The following NRXN1 variants were observed in gnomAD, a reference collection of about 807,000 sequenced individuals.
NRXN1 encodes neurexin 1, also known as neurexin-1.
NRXN1 carries 39 observed loss-of-function variants against 150.9 expected under a neutral mutation model. The ratio of observed to expected loss-of-function variants is 0.26; its 90% CI spans 0.20 to 0.34. The LOEUF (loss-of-function observed/expected upper bound fraction) is 0.34. Among genes scored for constraint, NRXN1 ranks in the 10% least tolerant of loss-of-function variants. NRXN1 has a pLI of 1.00. For synonymous variants in NRXN1, 924 were observed against 757.0 expected, an observed-to-expected ratio of 1.22 and a Z score of -3.62; for missense variants, 1,815 against 1,949.9, an observed-to-expected ratio of 0.93 and a Z score of 1.30.
intron 17 of NRXN1, among the ~76,000 whole-genome samples, chr2:50,397,122 G>C (rs1157260953): frequency 6.6e-6 from 1 of 152,082 alleles, no homozygotes; most frequent in Non-Finnish European, 1.5e-5. Context: ...TCTGGTATCA[G>C]GTCACTGGGC....
chr2:50,725,908 T>C (rs1304949142), intron 5 of NRXN1, among the ~76,000 whole-genome samples: 1 of 152,170 alleles, frequency 6.6e-6, no homozygotes, highest in Non-Finnish European at 1.5e-5. Flanking sequence ...CATTATCTGG[T>C]ATTTTCATTA....
chr2:50,776,942 C>G (rs1703721408), intron 5 of NRXN1, among the ~76,000 whole-genome samples: 1 of 152,144 alleles, frequency 6.6e-6, no homozygotes, highest in African/African-American at 2.4e-5. Flanking sequence ...GTTCTCAAAG[C>G]ACGTAAGTAC....
At chr2:50,127,717 A>G (rs1704818545) in intron 18 of NRXN1, among the ~76,000 whole-genome samples, 1 of 152,216 alleles carries the variant, frequency 6.6e-6, no homozygotes, top group South Asian at 2.1e-4. Context: ...GATGACGTAT[A>G]TAAAATATGG....
intron 5 of NRXN1, among the ~76,000 whole-genome samples, chr2:50,872,022 G>A (rs1195879535): frequency 6.6e-6 from 1 of 151,692 alleles, no homozygotes; most frequent in Middle Eastern, 3.2e-3. Context: ...TAGAGAAAGT[G>A]TAAGAAAAAA....
intron 4 of NRXN1, among the ~76,000 whole-genome samples, chr2:50,922,201 ATT>A (rs1558426105): frequency 6.6e-6 from 1 of 151,868 alleles, no homozygotes; most frequent in Admixed American, 6.6e-5. Context: ...TATACTCAGC[ATT>A]CTACAAGCCA....
In NRXN1 at chr2:50,553,145, G is replaced by A. The variant is rs1018487250; in HGVS notation, c.1321-120C>T. 15 of 727,664 alleles carry A rather than the reference G, an allele frequency of 2.1e-5. No individual in the cohort carries two copies. The African/African-American group carries it at 2.6e-4, about 13-fold the overall frequency. 45.1% of individuals were successfully genotyped at this position (727,664 alleles called of 1,614,324 possible). On this transcript the variant is annotated intron_variant, in intron 8 of 22. Transcript: ENST00000401669. ...AGGCACACGATATTTAGTTAATTTT[G>A]TTGTATAAAGGCAACATTTCTCAGG...
At chr2:50,241,165 A>G in intron 17 of NRXN1, among the ~76,000 whole-genome samples, 1 of 151,606 alleles carries the variant, frequency 6.6e-6, no homozygotes, top group East Asian at 1.9e-4. Context: ...GAGAAAAAGA[A>G]TATTAGCTCA....
intron 8 of NRXN1, among the ~76,000 whole-genome samples, chr2:50,604,249 T>A (rs1676738338): frequency 6.6e-6 from 1 of 152,202 alleles, no homozygotes; most frequent in African/African-American, 2.4e-5. Context: ...TTCCCTTGCA[T>A]CATTTGCTTC....
intron 18 of NRXN1, among the ~76,000 whole-genome samples, chr2:50,219,988 T>TATA (rs1559116279): frequency 1.0e-3 from 102 of 100,868 alleles, no homozygotes; most frequent in African/African-American, 4.3e-3. Flanking sequence ...ATATATATTA[T>TATA]ATATAATATA....
chr2:50,020,754 G>T lies in NRXN1; in HGVS notation c.4128+32517C>A, dbSNP rs145559178. On this transcript the variant is annotated intron_variant, in intron 21 of 22. Coordinates refer to ENST00000401669, the MANE Select transcript of NRXN1 (RefSeq NM_001330078.2). ...AATAAATTTTAAACATAAATAAAAAGAAATTCTCTCTTTAAAAAGTATTTT... is the reference window on the plus strand; with the variant it reads ...AATAAATTTTAAACATAAATAAAAATAAATTCTCTCTTTAAAAAGTATTTT... Among the ~76,000 whole-genome samples, 192 of 152,214 alleles carry T rather than the reference G, an allele frequency of 1.3e-3. 3 individuals carry two copies. The East Asian group carries it at 0.035, about 28-fold the overall frequency.
chr2:50,316,798 T>C (rs142149759), intron 17 of NRXN1, among the ~76,000 whole-genome samples: 1 of 152,064 alleles, frequency 6.6e-6, no homozygotes, highest in Admixed American at 6.6e-5. Flanking sequence ...ATGGTGGTAC[T>C]AAAATTTAAT....
chr2:50,753,570 A>T (rs1019049648), intron 5 of NRXN1, among the ~76,000 whole-genome samples: 5 of 151,866 alleles, frequency 3.3e-5, no homozygotes, highest in Admixed American at 3.3e-4. Context: ...GCTTCACATG[A>T]CACAGTATTA....
rs1198674906 is a variant in NRXN1 at position 49,943,842 on chromosome 2, C to G, written c.4129-51G>C. 3.8e-6 allele frequency: 5 copies of G among 1,299,582 alleles called. No homozygotes were observed. The African/African-American group carries it at 5.8e-5, about 15-fold the overall frequency. 80.5% of individuals were successfully genotyped at this position (1,299,582 alleles called of 1,614,324 possible). On this transcript the variant is annotated intron_variant, in intron 21 of 22. Transcript: ENST00000401669. Reference sequence around the variant, plus strand: ...TTAATTTAAAGGGTCCTAACAGATTCTCTCATCTTTGTCTCATTGACAAGT... The same window carrying G: ...TTAATTTAAAGGGTCCTAACAGATTGTCTCATCTTTGTCTCATTGACAAGT...
rs369955831 is a variant in NRXN1, at chr2:50,246,339, A to G, written c.3365-9369T>C. On this transcript the variant is annotated intron_variant, in intron 17 of 22. Transcript: ENST00000401669. ...GTGACACTTCTTTTTGTCCTTAGCA[A>G]TGGAATTAAATCCTTAATACAAAAG... 1.4e-4 allele frequency among the ~76,000 whole-genome samples: 21 copies of G among 152,116 alleles called. No homozygotes were observed. The South Asian group carries it at 4.4e-3, about 32-fold the overall frequency.
At chr2:50,267,415 T>A (rs751177085) in intron 17 of NRXN1, among the ~76,000 whole-genome samples, 1 of 152,158 alleles carries the variant, frequency 6.6e-6, no homozygotes, top group African/African-American at 2.4e-5. Context: ...TTCTTCAAAG[T>A]AAGAAAGAAC....
intron 5 of NRXN1, among the ~76,000 whole-genome samples, chr2:50,862,564 T>C (rs1359873371): frequency 6.6e-6 from 1 of 152,080 alleles, no homozygotes; most frequent in Non-Finnish European, 1.5e-5. Context: ...ATCATGTTCA[T>C]TTCAGGTCCA....
intron 21 of NRXN1, among the ~76,000 whole-genome samples, chr2:50,031,870 A>G (rs1244641729): frequency 6.6e-6 from 1 of 152,028 alleles, no homozygotes; most frequent in Non-Finnish European, 1.5e-5. Context: ...AGGTGTTCTT[A>G]TTAGAGAGCA....
chr2:49,965,562 C>T (rs780207408), intron 21 of NRXN1, among the ~76,000 whole-genome samples: 24 of 152,050 alleles, frequency 1.6e-4, no homozygotes, highest in Non-Finnish European at 2.8e-4. Flanking sequence ...GCCACTGCGC[C>T]CAGCCTAGGT....
intron 18 of NRXN1, among the ~76,000 whole-genome samples, chr2:50,161,365 A>C (rs918912907): frequency 5.9e-5 from 9 of 152,164 alleles, no homozygotes; most frequent in African/African-American, 2.2e-4. Context: ...TTTGGCTCCA[A>C]ACTAACACAT....
Sources: gnomAD v4.1 joint callset for allele counts (sites outside exome capture counted in the v4.1 genomes callset) on GRCh38, gnomAD v4.1.1 for gene constraint, MANE v1.5 for transcripts, NCBI Gene and HGNC (gene_info 2026-07-23, HGNC 2026-07-21) for gene names.